Variants in TPTE2 observed in about 807,000 individuals in gnomAD.
TPTE2 encodes transmembrane phosphoinositide 3-phosphatase and tensin homolog 2.
TPTE2 carries 53 observed loss-of-function variants against 78.6 expected under a neutral mutation model. The ratio of observed to expected loss-of-function variants is 0.67; its 90% confidence interval spans 0.54 to 0.85. The LOEUF (loss-of-function observed/expected upper bound fraction) is 0.85, where lower values mean the gene tolerates loss of function less well. TPTE2 is among the 40% of genes least tolerant of loss of function. The probability of loss-of-function intolerance (pLI) is 0.00; values close to 1 mark genes in which losing one functional copy is unlikely to be tolerated. For synonymous variants in TPTE2, 175 were observed against 206.2 expected (o/e 0.85, Z 1.30); for missense variants, 461 against 623.0 (o/e 0.74, Z 2.77).
intron 1 of TPTE2, among the ~76,000 whole-genome samples, chr13:19,497,788 A>G (rs538733088): frequency 4.6e-4 from 70 of 151,510 alleles, no homozygotes; most frequent in South Asian, 2.3e-3. Context: ...CAACGGAACA[A>G]AGCTGGATGG....
chr13:19,547,311 AGCCAG>A, the TPTE2 span, among the ~76,000 whole-genome samples: 1 of 152,190 alleles, frequency 6.6e-6, no homozygotes, highest in Non-Finnish European at 1.5e-5. Context: ...GTAAAAACTT[AGCCAG>A]GCAATTGATA....
chr13:19,468,935 C>A (rs148465666), intron 6 of TPTE2, among the ~76,000 whole-genome samples: 2,568 of 152,206 alleles, frequency 0.017, 67 homozygotes, highest in African/African-American at 0.059. Flanking sequence ...CTTTTCAGAT[C>A]GGTAGTTTGC....
intron 4 of TPTE2, among the ~76,000 whole-genome samples, chr13:19,477,032 T>TA (rs546557335): frequency 0.01 from 1,592 of 152,164 alleles, 23 homozygotes; most frequent in African/African-American, 0.037. Flanking sequence ...TATGCAGCCA[T>TA]AAAAAAAGAA....
upstream of TPTE2, among the ~76,000 whole-genome samples, chr13:19,505,263 C>T (rs1868928109): frequency 6.6e-6 from 1 of 152,080 alleles, no homozygotes; most frequent in Admixed American, 6.6e-5. Context: ...TCCTCAGCCT[C>T]CTGAGTAGAT....
chr13:19,488,169 T>G (rs1386732002), intron 3 of TPTE2, among the ~76,000 whole-genome samples: 2 of 152,314 alleles, frequency 1.3e-5, no homozygotes, highest in African/African-American at 4.8e-5. Flanking sequence ...AGACGTGTAT[T>G]TGTTGCCTCG....
At chr13:19,435,521 T>C (rs1038468698) in intron 15 of TPTE2, among the ~76,000 whole-genome samples, 1 of 152,078 alleles carries the variant, frequency 6.6e-6, no homozygotes, top group African/African-American at 2.4e-5. Flanking sequence ...GATGACTACA[T>C]GAGGATATAT....
intron 1 of TPTE2, among the ~76,000 whole-genome samples, chr13:19,510,130 T>C (rs1869331959): frequency 6.6e-6 from 1 of 152,198 alleles, no homozygotes; most frequent in Non-Finnish European, 1.5e-5. Flanking sequence ...GATGACCTAT[T>C]GGAGAACATA....
At chr13:19,461,181 G>A (rs1305935335) in intron 10 of TPTE2, among the ~76,000 whole-genome samples, 3 of 152,102 alleles carry the variant, frequency 2.0e-5, no homozygotes, top group Non-Finnish European at 4.4e-5. Flanking sequence ...ACGTGAACAG[G>A]CCTGAAGTAG....
intron 15 of TPTE2, among the ~76,000 whole-genome samples, chr13:19,435,485 G>A (rs777315023): frequency 1.5e-4 from 23 of 152,138 alleles, no homozygotes; most frequent in East Asian, 3.9e-4. Flanking sequence ...GGCTGGCGCC[G>A]GCTGAAATGA....
At chr13:19,529,443 A>G (rs1410905277) in intron 1 of TPTE2, among the ~76,000 whole-genome samples, 3 of 152,222 alleles carry the variant, frequency 2.0e-5, no homozygotes, top group Non-Finnish European at 2.9e-5. Context: ...TTAGTTTTCA[A>G]TATCTCAGAA....
chr13:19,528,475 G>C (rs1266648802), intron 1 of TPTE2, among the ~76,000 whole-genome samples: 2 of 151,788 alleles, frequency 1.3e-5, no homozygotes, highest in African/African-American at 2.4e-5. Context: ...ATAACAAATA[G>C]TGTGTGTATA....
At chr13:19,460,583 C>T (rs2497075) in intron 10 of TPTE2, among the ~76,000 whole-genome samples, 149,693 of 152,194 alleles carry the variant, frequency 0.98, 73,662 homozygotes, top group Middle Eastern at 1. Flanking sequence ...AGTTTCTTGA[C>T]AAAATAATCC....
intron 18 of TPTE2, among the ~76,000 whole-genome samples, chr13:19,425,440 C>T (rs1355780632): frequency 1.3e-5 from 2 of 152,166 alleles, no homozygotes; most frequent in Non-Finnish European, 2.9e-5. Flanking sequence ...GGGGTTCAGT[C>T]ACCCTCAGCA....
Position 19,453,538 on chromosome 13 carries a change from C to CAT in TPTE2, c.742-2315_742-2314dup, listed in dbSNP as rs56140648. On this transcript the variant is annotated intron_variant, in intron 10 of 19. Transcript: ENST00000400230. ...TGATATATATATATCATTTTATAAT[C>CAT]ATATATATATATATATATATATATA... 3.4e-3 allele frequency among the ~76,000 whole-genome samples: 483 copies of CAT among 140,174 alleles called. 8 individuals carry two copies. Among genetic ancestry groups the CAT allele is most frequent in the African/African-American group, 0.011 (393 of 34,922 alleles). 92.0% of individuals were successfully genotyped at this position (140,174 alleles called of 152,430 possible).
At chr13:19,559,654 C>T in the TPTE2 span, among the ~76,000 whole-genome samples, 1 of 151,616 alleles carries the variant, frequency 6.6e-6, no homozygotes, top group Admixed American at 6.6e-5. Context: ...GCAGCAAAAG[C>T]ATCACCCACT....
chr13:19,527,070 C>T (rs1870550015), intron 1 of TPTE2, among the ~76,000 whole-genome samples: 2 of 152,000 alleles, frequency 1.3e-5, no homozygotes, highest in South Asian at 4.2e-4. Flanking sequence ...CTTTGGGAGG[C>T]TAAAGCAGGT....
the TPTE2 span, among the ~76,000 whole-genome samples, chr13:19,551,092 A>C: frequency 6.6e-6 from 1 of 152,204 alleles, no homozygotes; most frequent in African/African-American, 2.4e-5. Flanking sequence ...CAGAAGAGGA[A>C]ACTAAGGCCC....
At chr13:19,561,551 G>T in the TPTE2 span, among the ~76,000 whole-genome samples, 1 of 152,158 alleles carries the variant, frequency 6.6e-6, no homozygotes, top group Non-Finnish European at 1.5e-5. Context: ...AGTTCTTCCC[G>T]GCCGTTGCGA....
At chr13:19,513,818 T>C (rs1869616214) in intron 1 of TPTE2, among the ~76,000 whole-genome samples, 1 of 152,218 alleles carries the variant, frequency 6.6e-6, no homozygotes, top group Non-Finnish European at 1.5e-5. Flanking sequence ...TTAAATTTGC[T>C]TCAAATTCAT....
Sources: allele counts gnomAD v4.1 joint callset (sites outside exome capture counted in the v4.1 genomes callset), GRCh38; gene constraint gnomAD v4.1.1; transcripts MANE v1.5; gene names NCBI Gene and HGNC (gene_info 2026-07-23, HGNC 2026-07-21).